BRINP3: variants seen among roughly 807,000 people sequenced by gnomAD.
BRINP3 encodes the protein BMP/retinoic acid inducible neural specific 3, also known as BMP/retinoic acid-inducible neural-specific protein 3.
Under a neutral mutation model 71.0 loss-of-function variants are expected in BRINP3, and 19 were observed. The ratio of observed to expected loss-of-function variants is 0.27; its 90% CI spans 0.19 to 0.39. The LOEUF is 0.39. BRINP3 is among the 10% of genes least tolerant of loss of function. The probability of loss-of-function intolerance (pLI) is 1.00; values close to 1 mark genes in which losing one functional copy is unlikely to be tolerated. For synonymous variants in BRINP3, 380 were observed against 337.7 expected (o/e 1.13, Z -1.37); for missense variants, 959 against 940.8 (o/e 1.02, Z -0.25).
chr1:190,322,737 C>A (rs574638353), intron 2 of BRINP3, among the ~76,000 whole-genome samples: 1 of 152,034 alleles, frequency 6.6e-6, no homozygotes, highest in South Asian at 2.1e-4. Flanking sequence ...TACCATCCAA[C>A]CAAATAGATA....
chr1:190,110,500 A>G (rs1172397216), intron 7 of BRINP3, among the ~76,000 whole-genome samples: 1 of 152,156 alleles, frequency 6.6e-6, no homozygotes, highest in Non-Finnish European at 1.5e-5. Context: ...TGGGCATGTA[A>G]CTCATACTGG....
chr1:190,129,397 T>C (rs1364738375), intron 7 of BRINP3, among the ~76,000 whole-genome samples: 2 of 151,926 alleles, frequency 1.3e-5, no homozygotes, highest in African/African-American at 2.4e-5. Flanking sequence ...TTTGGTCATC[T>C]ACATGCAAAT....
chr1:190,308,498 G>A (rs1355552668), intron 2 of BRINP3, among the ~76,000 whole-genome samples: 1 of 151,344 alleles, frequency 6.6e-6, no homozygotes, highest in Non-Finnish European at 1.5e-5. Flanking sequence ...GTTGTAGGGT[G>A]GGGGAAGGGG....
chr1:190,350,805 T>A (rs1231437391), intron 2 of BRINP3, among the ~76,000 whole-genome samples: 1 of 147,428 alleles, frequency 6.8e-6, no homozygotes, highest in Non-Finnish European at 1.5e-5. Context: ...GCAGCCAGAA[T>A]CAATCAAGTT....
chr1:190,364,901 AT>A (rs1669385387), intron 2 of BRINP3, among the ~76,000 whole-genome samples: 1 of 152,100 alleles, frequency 6.6e-6, no homozygotes, highest in Non-Finnish European at 1.5e-5. Context: ...TATGTAGAGA[AT>A]TAATTCGCCT....
At chr1:190,239,285 C>G (rs1191369963) in intron 4 of BRINP3, among the ~76,000 whole-genome samples, 1 of 152,038 alleles carries the variant, frequency 6.6e-6, no homozygotes. Context: ...GAATACTGTA[C>G]TACAGTAAGA....
chr1:190,440,095 T>C (rs532351252), intron 2 of BRINP3, among the ~76,000 whole-genome samples: 2 of 152,078 alleles, frequency 1.3e-5, no homozygotes, highest in African/African-American at 4.8e-5. Flanking sequence ...AGTTCGATTA[T>C]AGGAAACAGC....
chr1:190,132,166 G>T (rs1654599059), intron 7 of BRINP3, among the ~76,000 whole-genome samples: 1 of 152,026 alleles, frequency 6.6e-6, no homozygotes, highest in African/African-American at 2.4e-5. Flanking sequence ...CAATGTTCAT[G>T]ATTCTGTAGA....
At chr1:190,304,792 C>G (rs1664980636) in intron 2 of BRINP3, among the ~76,000 whole-genome samples, 1 of 151,842 alleles carries the variant, frequency 6.6e-6, no homozygotes, top group Admixed American at 6.6e-5. Flanking sequence ...AGCTTCTGCA[C>G]AGCAAAGGAA....
At chr1:190,270,651 T>A (rs951387331) in intron 3 of BRINP3, among the ~76,000 whole-genome samples, 1 of 151,722 alleles carries the variant, frequency 6.6e-6, no homozygotes, top group African/African-American at 2.4e-5. Context: ...TGAAAAGTCA[T>A]TGAAGACAAA....
At chr1:190,219,635 C>T (rs949746368) in intron 6 of BRINP3, among the ~76,000 whole-genome samples, 4 of 151,624 alleles carry the variant, frequency 2.6e-5, no homozygotes, top group Non-Finnish European at 4.4e-5. Context: ...GTCAAGAGAT[C>T]GAGACCATCC....
At chr1:190,109,631 T>G (rs1201928503) in intron 7 of BRINP3, among the ~76,000 whole-genome samples, 2 of 152,220 alleles carry the variant, frequency 1.3e-5, no homozygotes, top group Non-Finnish European at 2.9e-5. Flanking sequence ...ATAAAGAAGA[T>G]GTGCTCTCAC....
intron 4 of BRINP3, among the ~76,000 whole-genome samples, chr1:190,239,933 G>A (rs1251140245): frequency 2.0e-5 from 3 of 151,516 alleles, no homozygotes; most frequent in Non-Finnish European, 4.4e-5. Flanking sequence ...TTACTAATAT[G>A]AGTTTATTTT....
intron 2 of BRINP3, among the ~76,000 whole-genome samples, chr1:190,393,528 C>T (rs565942823): frequency 1.1e-4 from 16 of 151,494 alleles, no homozygotes; most frequent in Admixed American, 4.6e-4. Context: ...CATATAACAA[C>T]GGTGAATGGA....
intron 4 of BRINP3, among the ~76,000 whole-genome samples, chr1:190,264,449 G>T (rs1444183929): frequency 6.6e-6 from 1 of 152,050 alleles, no homozygotes; most frequent in Non-Finnish European, 1.5e-5. Context: ...AAAATATTTT[G>T]TGCCATGGAC....
chr1:190,324,419 C>G lies in BRINP3; in HGVS notation c.237-42669G>C, dbSNP rs529381268. On this transcript the variant is annotated intron_variant, in intron 2 of 7. Coordinates refer to ENST00000367462, the MANE Select transcript of BRINP3 (RefSeq NM_199051.3). ...CACTGAACACAGACATTTCCCCCTA[C>G]AAAAATTCCCAAATTTTATCAATAA... 3.9e-5 allele frequency among the ~76,000 whole-genome samples: 6 copies of G among 151,976 alleles called. No homozygotes were observed. In the South Asian group the frequency reaches 1.0e-3, roughly 26 times the overall value.
chr1:190,317,153 C>T (rs1426284973), intron 2 of BRINP3, among the ~76,000 whole-genome samples: 1 of 129,876 alleles, frequency 7.7e-6, no homozygotes, highest in Non-Finnish European at 1.6e-5. Flanking sequence ...GAGTGGGTGG[C>T]TGAGCGAGAG....
intron 2 of BRINP3, among the ~76,000 whole-genome samples, chr1:190,317,467 T>C (rs535554593): frequency 2.6e-5 from 4 of 152,268 alleles, no homozygotes; most frequent in East Asian, 3.9e-4. Flanking sequence ...ACATCCCATA[T>C]GTCCCTTCTT....
intron 7 of BRINP3, among the ~76,000 whole-genome samples, chr1:190,142,238 T>C (rs1655516707): frequency 6.6e-6 from 1 of 152,132 alleles, no homozygotes; most frequent in African/African-American, 2.4e-5. Context: ...CAACTAATAA[T>C]GGGAATACAA....
Sources: gnomAD v4.1 joint callset for allele counts (sites outside exome capture counted in the v4.1 genomes callset) on GRCh38, gnomAD v4.1.1 for gene constraint, MANE v1.5 for transcripts, NCBI Gene and HGNC (gene_info 2026-07-23, HGNC 2026-07-21) for gene names.